Variants in LAMA2 observed in about 807,000 individuals in gnomAD.
The protein encoded by LAMA2 is laminin subunit alpha-2.
Under a neutral mutation model 364.8 loss-of-function variants are expected in LAMA2, and 269 were observed. That is an observed-to-expected ratio of 0.74 (90% CI 0.67 to 0.82). The LOEUF (loss-of-function observed/expected upper bound fraction) is 0.82. Among genes scored for constraint, LAMA2 ranks in the 40% least tolerant of loss-of-function variants. LAMA2 has a pLI of 0.00. For missense variants in LAMA2, 3,807 were observed against 3,873.2 expected (o/e 0.98, Z 0.45); for synonymous variants, 1,379 against 1,370.6 (o/e 1.01, Z -0.14).
intron 21 of LAMA2, among the ~76,000 whole-genome samples, chr6:129,298,448 T>C (rs1029871014): frequency 6.6e-6 from 1 of 152,186 alleles, no homozygotes; most frequent in African/African-American, 2.4e-5. Flanking sequence ...AGTATTCTTA[T>C]ACATCCAGCC....
Position 128,883,200 on chromosome 6 carries a change from C to A in LAMA2, c.-46C>A. The A allele has an allele frequency of 1.3e-6, 2 of 1,532,638 alleles. No individual in the cohort carries two copies. 94.9% of individuals were successfully genotyped at this position (1,532,638 alleles called of 1,614,324 possible). ...CCAAGGCCAGGGGACAGGGCGGCAG[C>A]GACTCCTCTGGCTCCCGAGAAGTGG... On this transcript the variant is annotated 5_prime_UTR_variant, in exon 1 of 65. Transcript: ENST00000421865.
intron 16 of LAMA2, among the ~76,000 whole-genome samples, chr6:129,268,007 A>T (rs1787631936): frequency 6.6e-6 from 1 of 152,088 alleles, no homozygotes; most frequent in Admixed American, 6.6e-5. Context: ...TTATACTCTC[A>T]TTTCCCTGAA....
At chr6:129,019,751 T>A (rs1426663338) in intron 1 of LAMA2, among the ~76,000 whole-genome samples, 7 of 152,188 alleles carry the variant, frequency 4.6e-5, no homozygotes, top group Non-Finnish European at 1.0e-4. Context: ...AACTGTGATA[T>A]CCTAAAATGG....
chr6:129,242,200 G>A (rs1214772115), intron 12 of LAMA2, among the ~76,000 whole-genome samples: 7 of 152,012 alleles, frequency 4.6e-5, no homozygotes, highest in Non-Finnish European at 7.4e-5. Flanking sequence ...AAGTAGAAAG[G>A]GCCATACCAT....
At chr6:129,403,794 C>T (rs116128872) in intron 39 of LAMA2, 27 bp from the exon 40 acceptor site, 5 of 1,605,542 alleles carry the variant, frequency 3.1e-6, no homozygotes, top group Non-Finnish European at 4.3e-6. Context: ...AGTGCCCTGA[C>T]ATTCCTTTTT....
chr6:128,948,404 G>C (rs1328048727), intron 1 of LAMA2, among the ~76,000 whole-genome samples: 1 of 152,024 alleles, frequency 6.6e-6, no homozygotes, highest in East Asian at 1.9e-4. Context: ...AAGTTTTTCA[G>C]TTTGTTCCCT....
At chr6:129,136,835 A>T (rs1777822954) in intron 4 of LAMA2, among the ~76,000 whole-genome samples, 1 of 152,178 alleles carries the variant, frequency 6.6e-6, no homozygotes, top group Non-Finnish European at 1.5e-5. Flanking sequence ...AATTGGAATC[A>T]AGCAGTAATG....
At chr6:129,311,127 CT>C (rs536502720) in intron 22 of LAMA2, among the ~76,000 whole-genome samples, 325 of 141,478 alleles carry the variant, frequency 2.3e-3, no homozygotes, top group Admixed American at 2.7e-3. Context: ...GATGAAGATT[CT>C]TTTTTTTTTT....
chr6:129,114,701 T>A (rs1226546428), intron 4 of LAMA2, among the ~76,000 whole-genome samples: 3 of 152,026 alleles, frequency 2.0e-5, no homozygotes, highest in Non-Finnish European at 2.9e-5. Flanking sequence ...TTACGAGGCA[T>A]TGCTAAAAGC....
At chr6:129,280,296 A>C (rs1368899829) in intron 18 of LAMA2, 149 bp downstream of exon 18, 1 of 667,354 alleles carries the variant, frequency 1.5e-6, no homozygotes, top group Non-Finnish European at 2.7e-6. Context: ...TTGTCAAACA[A>C]ATGCATTATA....
At chr6:129,088,461 A>C (rs1371120649) in intron 3 of LAMA2, among the ~76,000 whole-genome samples, 2 of 151,660 alleles carry the variant, frequency 1.3e-5, no homozygotes, top group African/African-American at 4.8e-5. Context: ...CACTTCCCAG[A>C]AGGGGTGGCC....
In LAMA2 at chr6:129,061,766, G is replaced by A. The variant is rs1453891610; in HGVS notation, c.396+1870G>A. 2.6e-5 allele frequency among the ~76,000 whole-genome samples: 4 copies of A among 152,136 alleles called. No homozygotes were observed. In the East Asian group the frequency reaches 7.7e-4, roughly 29 times the overall value. ...CATCATAACAAAGTGCCAGAATTCTGTATATAACCCAGGTCTACCTGACTC... is the reference window on the plus strand; with the variant it reads ...CATCATAACAAAGTGCCAGAATTCTATATATAACCCAGGTCTACCTGACTC... On this transcript the variant is annotated intron_variant, in intron 3 of 64. Coordinates refer to ENST00000421865, the MANE Select transcript of LAMA2 (RefSeq NM_000426.4).
intron 8 of LAMA2, among the ~76,000 whole-genome samples, chr6:129,161,845 T>C (rs1779457385): frequency 6.6e-6 from 1 of 152,238 alleles, no homozygotes; most frequent in South Asian, 2.1e-4. Context: ...TTCTTTTTTA[T>C]GGCTGTGTAG....
At chr6:129,491,813 G>C (rs894516515) in intron 56 of LAMA2, 88 bp from the exon 57 acceptor site, 1 of 1,069,624 alleles carries the variant, frequency 9.3e-7, no homozygotes, top group Non-Finnish European at 1.4e-6. Context: ...ATGGTTGAGA[G>C]GGGTGAAGGG....
chr6:129,369,986 C>T lies in LAMA2; in HGVS notation c.4955C>T (p.Thr1652Ile). 6.2e-7 allele frequency: 1 copy of T among 1,613,566 alleles called. No homozygotes were observed. The change falls in exon 34 of 65, where the codon ACC (threonine) becomes ATC (isoleucine). Residue 1652 changes from threonine to isoleucine, a missense_variant. Thr to Ile is a moderately conservative substitution (Grantham distance 89). Coordinates refer to ENST00000421865, the MANE Select transcript of LAMA2 (RefSeq NM_000426.4). The stretch of plus-strand genomic sequence containing the variant: ...GTGACCGAAATGAACGAGCTGCTGA[C>T]CAGGGTAAGGTGGCAAAATTATGAA... ...TLVTEMNELL[T>I]RATKVTADGE...
chr6:129,201,592 C>A (rs1019671290), intron 12 of LAMA2, among the ~76,000 whole-genome samples: 1 of 152,180 alleles, frequency 6.6e-6, no homozygotes, highest in Non-Finnish European at 1.5e-5. Context: ...TTCACCCCAA[C>A]AAATCTTGAA....
At chr6:129,164,698 C>T (rs1450846922) in intron 8 of LAMA2, among the ~76,000 whole-genome samples, 1 of 152,182 alleles carries the variant, frequency 6.6e-6, no homozygotes, top group Non-Finnish European at 1.5e-5. Flanking sequence ...CCTGAAAACT[C>T]TTCTCACCTT....
At chr6:129,139,189 G>A (rs1238252951) in intron 4 of LAMA2, among the ~76,000 whole-genome samples, 1 of 152,108 alleles carries the variant, frequency 6.6e-6, no homozygotes, top group Non-Finnish European at 1.5e-5. Flanking sequence ...GCCAGACTCA[G>A]AGCCTTTACT....
At chr6:128,924,150 C>T (rs964489535) in intron 1 of LAMA2, among the ~76,000 whole-genome samples, 4 of 152,086 alleles carry the variant, frequency 2.6e-5, no homozygotes, top group African/African-American at 9.7e-5. Context: ...ATTCTAGCTG[C>T]TCCCTTAATT....
Sources: allele counts gnomAD v4.1 joint callset (sites outside exome capture counted in the v4.1 genomes callset), GRCh38; gene constraint gnomAD v4.1.1; transcripts MANE v1.5; gene names NCBI Gene and HGNC (gene_info 2026-07-23, HGNC 2026-07-21).